CMSS1: variants seen among roughly 807,000 people sequenced by gnomAD.
CMSS1 encodes the protein cms1 ribosomal small subunit homolog, also known as protein CMSS1.
A neutral mutation model predicts 43.5 loss-of-function variants in CMSS1; 33 were observed. The observed-to-expected ratio is 0.76, with a 90% CI of 0.57 to 1.01. The LOEUF is 1.01. Ranked by LOEUF, CMSS1 falls within the 50% of genes least tolerant of loss-of-function variation. The pLI is 0.00. For synonymous variants in CMSS1, 115 were observed against 117.2 expected, an observed-to-expected ratio of 0.98 and a Z score of 0.12; for missense variants, 313 against 326.4, an observed-to-expected ratio of 0.96 and a Z score of 0.32.
chr3:99,845,543 T>G (rs1437786019), intron 1 of CMSS1, among the ~76,000 whole-genome samples: 1 of 152,186 alleles, frequency 6.6e-6, no homozygotes, highest in African/African-American at 2.4e-5. Flanking sequence ...TCCTCTTTCC[T>G]TCCTGGTTTT....
chr3:99,918,766 A>G (rs1707033887), intron 1 of CMSS1, among the ~76,000 whole-genome samples: 1 of 152,204 alleles, frequency 6.6e-6, no homozygotes, highest in Admixed American at 6.5e-5. Context: ...TATGAACACA[A>G]GGCTGATCAT....
chr3:99,988,340 C>A (rs13065743), intron 1 of CMSS1, among the ~76,000 whole-genome samples: 118,347 of 124,198 alleles, frequency 0.95, 56,367 homozygotes, highest in Non-Finnish European at 0.99. Context: ...TACTAAAAAT[C>A]CAAAAAAAAA....
At chr3:100,071,182 T>G (rs2065757603) in intron 1 of CMSS1, among the ~76,000 whole-genome samples, 1 of 150,586 alleles carries the variant, frequency 6.6e-6, no homozygotes, top group South Asian at 2.1e-4. Context: ...CATATCACTG[T>G]CAATTTATGC....
intron 1 of CMSS1, among the ~76,000 whole-genome samples, chr3:100,132,441 T>C (rs2066716267): frequency 1.3e-5 from 2 of 152,068 alleles, no homozygotes; most frequent in African/African-American, 4.8e-5. Flanking sequence ...AGATTAACCT[T>C]AAAATTAATA....
intron 1 of CMSS1, among the ~76,000 whole-genome samples, chr3:99,826,378 A>G (rs1464092917): frequency 6.6e-6 from 1 of 152,244 alleles, no homozygotes; most frequent in Non-Finnish European, 1.5e-5. Context: ...GTGTGGGTCC[A>G]GTCATCACCG....
At chr3:99,887,700 C>G (rs752610134) in intron 1 of CMSS1, among the ~76,000 whole-genome samples, 8 of 152,162 alleles carry the variant, frequency 5.3e-5, no homozygotes, top group Non-Finnish European at 8.8e-5. Flanking sequence ...TGAAATGGAA[C>G]TGGGAATACC....
chr3:100,014,895 C>CTTTTTTTTTT (rs1233573719), intron 1 of CMSS1, among the ~76,000 whole-genome samples: 1 of 25,004 alleles, frequency 4.0e-5, no homozygotes, highest in Non-Finnish European at 7.0e-5. Flanking sequence ...TTCTTTCTTT[C>CTTTTTTTTTT]TTTTTTTTTT....
chr3:99,937,643 T>TTA (rs1707720973), intron 1 of CMSS1, among the ~76,000 whole-genome samples: 1 of 152,222 alleles, frequency 6.6e-6, no homozygotes, highest in Non-Finnish European at 1.5e-5. Flanking sequence ...GTTGTTAATG[T>TTA]GTGTATCCCC....
Position 100,167,627 on chromosome 3 carries a change from C to T in CMSS1, c.416-111C>T, listed in dbSNP as rs1341802618. On this transcript the variant is annotated intron_variant, in intron 5 of 9. Coordinates refer to ENST00000421999, the MANE Select transcript of CMSS1 (RefSeq NM_032359.4). ...ACAATTGTAATTATAATGAACCATG[C>T]TTACTATATTTTGTTTTGTTTAAAT... 5.4e-6 allele frequency: 3 copies of T among 557,176 alleles called. No individual in the cohort carries two copies. In the East Asian group the frequency reaches 8.5e-5, roughly 16 times the overall value. 34.5% of individuals were successfully genotyped at this position (557,176 alleles called of 1,614,324 possible).
Position 99,935,798 on chromosome 3 carries a change from T to C in CMSS1, c.64+117755T>C, listed in dbSNP as rs142327327. Among the ~76,000 whole-genome samples, 320 of 152,332 alleles carry C rather than the reference T, an allele frequency of 2.1e-3. 1 individual carries two copies. The highest frequency in any genetic ancestry group is 7.4e-3 in the African/African-American group (306 of 41,574). On this transcript the variant is annotated intron_variant, in intron 1 of 9. Transcript: ENST00000421999. ...CTGCTTTGTTTTCCTATGTAGTTCC[T>C]TTAGTCAGTTTTACTTGGGCTTAAG...
At chr3:99,850,916 T>C in intron 1 of CMSS1, 1 of 1,614,214 alleles carries the variant, frequency 6.2e-7, no homozygotes, top group Non-Finnish European at 8.5e-7. Flanking sequence ...CTTTGAAGGG[T>C]GAGCTGTGCC....
At chr3:100,106,570 T>C (rs1480116234) in intron 1 of CMSS1, among the ~76,000 whole-genome samples, 3 of 152,182 alleles carry the variant, frequency 2.0e-5, no homozygotes, top group Non-Finnish European at 4.4e-5. Flanking sequence ...GATTTCTTAG[T>C]TGAAAAAGAT....
Position 100,011,602 on chromosome 3 carries a change from A to G in CMSS1, c.65-135371A>G, listed in dbSNP as rs1341236090. The G allele has an allele frequency of 2.2e-4, 34 of 152,190 alleles. 1 individual carries two copies. Among genetic ancestry groups the G allele is most frequent in the Admixed American group, 2.2e-3 (33 of 15,266 alleles). The allele number at this position is 152,190 out of a possible 1,614,324, so 9.4% of individuals were successfully genotyped here. ...GCACTTATTGTTGCTGATTGAGAGAAGACTCACAATTCTTGAATATTGGAT... is the reference window on the plus strand; with the variant it reads ...GCACTTATTGTTGCTGATTGAGAGAGGACTCACAATTCTTGAATATTGGAT... On this transcript the variant is annotated intron_variant, in intron 1 of 9. Coordinates refer to ENST00000421999, the MANE Select transcript of CMSS1 (RefSeq NM_032359.4).
chr3:99,894,912 G>A (rs910058683), intron 1 of CMSS1, among the ~76,000 whole-genome samples: 1 of 152,122 alleles, frequency 6.6e-6, no homozygotes, highest in African/African-American at 2.4e-5. Context: ...GCTTTTTGTG[G>A]ACTAGCTGGG....
chr3:99,876,201 A>T (rs1294288626), intron 1 of CMSS1: 7 of 985,236 alleles, frequency 7.1e-6, no homozygotes, highest in Admixed American at 6.2e-5. Flanking sequence ...CGCCCGGCCT[A>T]TGGGCGTTAC....
intron 1 of CMSS1, among the ~76,000 whole-genome samples, chr3:99,989,684 A>ATAT (rs1491243903): frequency 1.7e-5 from 1 of 58,340 alleles, no homozygotes; most frequent in Non-Finnish European, 3.9e-5. Flanking sequence ...ATATATATAT[A>ATAT]TTTTTTTTCT....
In CMSS1 at chr3:99,850,212, C is replaced by A. The variant is rs547554598; in HGVS notation, c.64+32169C>A. On this transcript the variant is annotated intron_variant, in intron 1 of 9. Coordinates refer to ENST00000421999, the MANE Select transcript of CMSS1 (RefSeq NM_032359.4). ...TTAATGTTTTCAGTTTAGTTAAATC[C>A]TCTTTTAGAGTGAATTCTGTCTTTT... 6 of 1,613,136 alleles carry A rather than the reference C, an allele frequency of 3.7e-6. No homozygotes were observed. In the East Asian group the frequency reaches 1.3e-4, roughly 36 times the overall value.
chr3:100,139,300 C>A (rs907297705), intron 1 of CMSS1, among the ~76,000 whole-genome samples: 4 of 151,876 alleles, frequency 2.6e-5, no homozygotes, highest in Non-Finnish European at 5.9e-5. Context: ...GCACATGGAT[C>A]CTGGCACGTA....
chr3:99,844,086 A>G (rs1943256419), intron 1 of CMSS1, among the ~76,000 whole-genome samples: 1 of 147,844 alleles, frequency 6.8e-6, no homozygotes, highest in Admixed American at 7.0e-5. Context: ...GTTTACCCTC[A>G]TGATTGTGTG....
Sources: allele counts gnomAD v4.1 joint callset (sites outside exome capture counted in the v4.1 genomes callset), GRCh38; gene constraint gnomAD v4.1.1; transcripts MANE v1.5; gene names NCBI Gene and HGNC (gene_info 2026-07-23, HGNC 2026-07-21).